Variants in INTS10 observed in about 807,000 individuals in gnomAD.
INTS10 encodes chromosome 8 open reading frame 35.
INTS10 carries 44 observed loss-of-function variants against 94.4 expected under a neutral mutation model. The ratio of observed to expected loss-of-function variants is 0.47; its 90% confidence interval spans 0.37 to 0.60. The LOEUF (loss-of-function observed/expected upper bound fraction) is 0.60, where lower values mean the gene tolerates loss of function less well. Ranked by LOEUF, INTS10 falls within the 20% of genes least tolerant of loss-of-function variation. The pLI, the probability that INTS10 is intolerant of heterozygous loss-of-function variation, is 0.00. For missense variants in INTS10, 797 were observed against 868.7 expected, an observed-to-expected ratio of 0.92 and a Z score of 1.04; for synonymous variants, 341 against 320.7, an observed-to-expected ratio of 1.06 and a Z score of -0.68.
At position 19,817,455 on chromosome 8, in the gene INTS10, C is replaced by T; in HGVS notation, c.-83C>T. On this transcript the variant is annotated 5_prime_UTR_variant, in exon 1 of 17. Coordinates refer to ENST00000397977, the MANE Select transcript of INTS10 (RefSeq NM_018142.4). ...GCCTCCCCCGCGGTGGCGGCGGCGG[C>T]GGCGGTGGCTGCCGTGGCGGCTGAG... 4.6e-6 allele frequency: 7 copies of T among 1,524,830 alleles called. No individual in the cohort carries two copies. The highest frequency in any genetic ancestry group is 4.1e-5 in the Admixed American group (2 of 48,806). 94.5% of individuals were successfully genotyped at this position (1,524,830 alleles called of 1,614,324 possible).
Position 19,823,962 on chromosome 8 carries a change from A to G in INTS10, c.754A>G (p.Ile252Val), listed in dbSNP as rs963008722. 2 of 1,613,726 alleles carry G rather than the reference A, an allele frequency of 1.2e-6. No individual in the cohort carries two copies. The highest frequency in any genetic ancestry group is 1.3e-5 in the African/African-American group (1 of 75,022). Residue 252 changes from isoleucine (I) to valine (V), a missense_variant, in exon 7 of 17, where the codon ATC becomes GTC. Transcript: ENST00000397977. ...IEGLTEKSSQ[I>V]VDPWERLFKI... ...AGGGCTGACGGAAAAATCATCCCAG[A>G]TCGTGGACCCTTGGGAGAGGTTGTT...
At chr8:19,831,103 C>T (rs1018028805) in intron 10 of INTS10, among the ~76,000 whole-genome samples, 1 of 152,226 alleles carries the variant, frequency 6.6e-6, no homozygotes, top group Non-Finnish European at 1.5e-5. Context: ...TGTTTGCTAA[C>T]TAAGGTATTC....
At chr8:19,820,329 G>C in intron 3 of INTS10, 50 bp from the exon 4 acceptor site, 1 of 1,569,610 alleles carries the variant, frequency 6.4e-7, no homozygotes. Context: ...TGTTGCTGCA[G>C]TCTTTTCTGT....
In INTS10 at chr8:19,822,451, G is replaced by A. The variant is rs374350620; in HGVS notation, c.454G>A (p.Glu152Lys). The change falls in exon 5 of 17, where the codon GAG becomes AAG. Residue 152 changes from glutamate to lysine, a missense_variant. Physicochemically the swap from Glu to Lys is moderately conservative, Grantham distance 56. Coordinates refer to ENST00000397977, the MANE Select transcript of INTS10 (RefSeq NM_018142.4). ...TGTTTTGAAATAGGTTGGCCTTGGG[G>A]AGGCACTATTAGAGGCTGAAACTAT... is the stretch of plus-strand genomic sequence containing the variant. Reference protein sequence around the residue: ...TVVQHGVGLGEALLEAETIEE... With the variant: ...TVVQHGVGLGKALLEAETIEE... The A allele has an allele frequency of 8.7e-6, 14 of 1,608,538 alleles. No individual in the cohort carries two copies. Among genetic ancestry groups the A allele is most frequent in the Non-Finnish European group, 1.2e-5 (14 of 1,175,258 alleles).
chr8:19,820,460 G>C lies in INTS10; in HGVS notation c.383G>C (p.Arg128Pro). 6.2e-7 allele frequency: 1 copy of C among 1,612,940 alleles called. No homozygotes were observed. The highest frequency in any genetic ancestry group is 8.5e-7 in the Non-Finnish European group (1 of 1,179,078). Residue 128 changes from arginine (R) to proline (P), a missense_variant, in exon 4 of 17, where the codon CGA becomes CCA. Physicochemically the swap from Arg to Pro is moderately radical, Grantham distance 103. Coordinates refer to ENST00000397977, the MANE Select transcript of INTS10 (RefSeq NM_018142.4). Reference protein sequence around the residue: ...VTEQCFNTLERSEMLLLLLRR... With the variant: ...VTEQCFNTLEPSEMLLLLLRR... ...GAACAATGCTTCAACACGTTAGAACGATCAGAAATGTTGCTTCTACTTTTG... is the reference window on the plus strand; with the variant it reads ...GAACAATGCTTCAACACGTTAGAACCATCAGAAATGTTGCTTCTACTTTTG...
intron 9 of INTS10, among the ~76,000 whole-genome samples, chr8:19,828,210 A>G (rs1284964484): frequency 6.6e-6 from 1 of 152,194 alleles, no homozygotes; most frequent in African/African-American, 2.4e-5. Flanking sequence ...GACCCCGTCT[A>G]TAAAAAATAA....
At chr8:19,820,586 G>GGT in intron 4 of INTS10, 68 bp downstream of exon 4, 1 of 1,386,008 alleles carries the variant, frequency 7.2e-7, no homozygotes, top group Admixed American at 2.1e-5. Context: ...TCATCGGTAT[G>GGT]GTGAGGAGCT....
At chr8:19,818,471 C>T in intron 2 of INTS10, 129 bp downstream of exon 2, 1 of 872,682 alleles carries the variant, frequency 1.1e-6, no homozygotes, top group Non-Finnish European at 1.9e-6. Context: ...TAAAGCAAAC[C>T]TAGTAAGGAG....
At chr8:19,823,206 TAC>T (rs1451247194) in intron 5 of INTS10, 93 bp from the exon 6 acceptor site, 20 of 903,754 alleles carry the variant, frequency 2.2e-5, no homozygotes, top group Non-Finnish European at 3.5e-5. Context: ...ATATTTTAGA[TAC>T]TACATCAAAT....
Position 19,833,185 on chromosome 8 carries a change from C to T in INTS10, c.1394C>T (p.Ala465Val), listed in dbSNP as rs780539461. 37 of 1,602,888 alleles carry T rather than the reference C, an allele frequency of 2.3e-5. No individual in the cohort carries two copies. Among genetic ancestry groups the T allele is most frequent in the African/African-American group, 4.0e-5 (3 of 74,128 alleles). Reference sequence around the variant, plus strand: ...CTTTCTTAGGGTCAATATAAAAAGGCGATAGCCAGCCTGCATCACTTAGCA... The same window carrying T: ...CTTTCTTAGGGTCAATATAAAAAGGTGATAGCCAGCCTGCATCACTTAGCA... ...MIIYQGQYKKAIASLHHLAAL... is the reference protein window; with the variant it reads ...MIIYQGQYKKVIASLHHLAAL... Residue 465 changes from alanine to valine, a missense_variant, in exon 12 of 17, where the codon GCG becomes GTG. This residue lies in a region of INTS10 where 734 missense variants were observed against 787.8 expected (regional missense o/e 0.93). Coordinates refer to ENST00000397977, the MANE Select transcript of INTS10 (RefSeq NM_018142.4).
intron 4 of INTS10, chr8:19,821,849 C>T (rs1223432709): frequency 6.6e-6 from 1 of 152,188 alleles, no homozygotes; most frequent in Non-Finnish European, 1.5e-5. Flanking sequence ...CTTTTCCACT[C>T]CTGTGGTGCA....
chr8:19,821,266 G>A (rs2066351799), intron 4 of INTS10: 1 of 152,204 alleles, frequency 6.6e-6, no homozygotes, highest in Non-Finnish European at 1.5e-5. Flanking sequence ...TAAAAGTCAG[G>A]TGTTGGCAGA....
Position 19,851,815 on chromosome 8 carries a change from T to A in INTS10, c.*10T>A. 1 of 1,613,150 alleles carries A rather than the reference T, an allele frequency of 6.2e-7. No individual in the cohort carries two copies. The highest frequency in any genetic ancestry group is 1.1e-5 in the South Asian group (1 of 91,042). ...TCAGACTCTGACCTGAGTGGAGACC[T>A]TTCCACCAGACACAGCTCGGGCCTG... is the stretch of plus-strand genomic sequence containing the variant. On this transcript the variant is annotated 3_prime_UTR_variant, in exon 17 of 17. Coordinates refer to ENST00000397977, the MANE Select transcript of INTS10 (RefSeq NM_018142.4). This position sits in a 1 kb window ranked among gnomAD's most constrained non-coding sequence, Gnocchi z 5.0.
chr8:19,832,684 G>C (rs756007532), intron 11 of INTS10, among the ~76,000 whole-genome samples: 1 of 152,164 alleles, frequency 6.6e-6, no homozygotes, highest in Non-Finnish European at 1.5e-5. Context: ...GGTAAAAGAG[G>C]ATTACTTCTC....
In INTS10 at chr8:19,823,200, T is replaced by C. The variant is rs142796489; in HGVS notation, c.524-101T>C. The C allele has an allele frequency of 3.7e-5, 32 of 872,944 alleles. No individual in the cohort carries two copies. In the African/African-American group the frequency reaches 3.9e-4, roughly 11 times the overall value. 54.1% of individuals were successfully genotyped at this position (872,944 alleles called of 1,614,324 possible). A position where few individuals can be genotyped will look rare whatever the true frequency, so the allele number is the denominator to read the frequency against. On this transcript the variant is annotated intron_variant, in intron 5 of 16. Coordinates refer to ENST00000397977, the MANE Select transcript of INTS10 (RefSeq NM_018142.4). ...ATAAGGGATTTTTCCCCCTATATAT[T>C]TTAGATACTACATCAAATGAACTCT... is the stretch of plus-strand genomic sequence containing the variant.
Position 19,824,043 on chromosome 8 carries a change from C to T in INTS10, c.835C>T (p.Arg279Ter), listed in dbSNP as rs966158092. The T allele has an allele frequency of 9.4e-6, 15 of 1,594,884 alleles. No homozygotes were observed. The highest frequency in any genetic ancestry group is 2.3e-5 in the East Asian group (1 of 44,424). Residue 279 changes from arginine (R) to a stop codon, truncating the protein, a stop_gained and splice_region_variant, in exon 7 of 17, where the codon CGA becomes TGA. Coordinates refer to ENST00000397977, the MANE Select transcript of INTS10 (RefSeq NM_018142.4). LOFTEE classifies it high-confidence loss of function. ...TGAATGGCAGATGGATAAAGGAAGA[C>T]GGTAATAAATAGCTTATTTCCAGAA... ...RCEWQMDKGR[R>*]SYGDILHRMK...
intron 9 of INTS10, among the ~76,000 whole-genome samples, chr8:19,828,359 A>G (rs1399132701): frequency 6.6e-6 from 1 of 152,202 alleles, no homozygotes; most frequent in Non-Finnish European, 1.5e-5. Context: ...TCAGTTCTCC[A>G]GCCAGCTGAC....
At chr8:19,836,224 A>AG (rs1054183073) in intron 12 of INTS10, among the ~76,000 whole-genome samples, 1 of 82,006 alleles carries the variant, frequency 1.2e-5, no homozygotes, top group Admixed American at 1.1e-4. Context: ...GCATAAAAGA[A>AG]GAAAAAAAAA....
chr8:19,817,494 A>G lies in INTS10; in HGVS notation c.-44A>G. On this transcript the variant is annotated 5_prime_UTR_variant, in exon 1 of 17. Transcript: ENST00000397977. ...GTGGCGGCTGAGAGTCCAGAGCCGG[A>G]CGTTCCGGCCGCTTCGGGCTGGCGG... The G allele has an allele frequency of 2.5e-6, 4 of 1,586,534 alleles. No homozygotes were observed. The highest frequency in any genetic ancestry group is 3.4e-6 in the Non-Finnish European group (4 of 1,169,110).
Sources: gnomAD v4.1 joint callset for allele counts (sites outside exome capture counted in the v4.1 genomes callset) on GRCh38, gnomAD v4.1.1 for gene constraint, gnomAD v4.1.1 regional missense constraint, Gnocchi (gnomAD v3.1) non-coding constraint, MANE v1.5 for transcripts, NCBI Gene and HGNC (gene_info 2026-07-23, HGNC 2026-07-21) for gene names.